The following GTF2A1L variants were observed in gnomAD, a reference collection of about 807,000 sequenced individuals.
GTF2A1L encodes the protein TFIIA-alpha and beta-like factor.
GTF2A1L carries 48 observed loss-of-function variants against 49.7 expected under a neutral mutation model. That is an observed-to-expected ratio of 0.97 (90% CI 0.77 to 1.23). GTF2A1L has a LOEUF of 1.23. Among genes scored for constraint, GTF2A1L ranks in the 50% most tolerant of loss-of-function variants. The pLI is 0.00. For synonymous variants in GTF2A1L, 246 were observed against 193.5 expected, an observed-to-expected ratio of 1.27 and a Z score of -2.25; for missense variants, 736 against 564.8, an observed-to-expected ratio of 1.30 and a Z score of -3.07.
chr2:48,649,238 C>T (rs13021383), intron 6 of GTF2A1L, among the ~76,000 whole-genome samples: 13,439 of 152,118 alleles, frequency 0.088, 645 homozygotes, highest in Non-Finnish European at 0.11. Flanking sequence ...CAAGGTTAGT[C>T]GATATCGTAG....
chr2:48,666,392 G>A (rs1265788733), intron 6 of GTF2A1L, among the ~76,000 whole-genome samples: 1 of 151,990 alleles, frequency 6.6e-6, no homozygotes, highest in East Asian at 1.9e-4. Flanking sequence ...AACATTTTTA[G>A]TAGAGATGGG....
Position 48,617,899 on chromosome 2 carries a change from A to C in GTF2A1L, c.21+4A>C, listed in dbSNP as rs1280126875. The C allele has an allele frequency of 6.4e-7, 1 of 1,551,824 alleles. No homozygotes were observed. The highest frequency in any genetic ancestry group is 2.0e-5 in the Admixed American group (1 of 51,010). On this transcript the variant is annotated splice_donor_region_variant and intron_variant, in intron 1 of 8. Transcript: ENST00000403751. Reference sequence around the variant, plus strand: ...CATGGCCTGCCTCAACCCGGTGGTAAGGAAGACCTCAGGCTCTGTGTAGAG... The same window carrying C: ...CATGGCCTGCCTCAACCCGGTGGTACGGAAGACCTCAGGCTCTGTGTAGAG...
intron 8 of GTF2A1L, among the ~76,000 whole-genome samples, chr2:48,674,910 T>TA (rs1278362138): frequency 3.3e-5 from 5 of 152,098 alleles, no homozygotes. Flanking sequence ...AGAACAGTGG[T>TA]AAAAAATTAA....
intron 5 of GTF2A1L, among the ~76,000 whole-genome samples, chr2:48,645,388 G>C (rs946644535): frequency 6.6e-6 from 1 of 152,020 alleles, no homozygotes; most frequent in African/African-American, 2.4e-5. Context: ...TCTAATTCAA[G>C]TCAGTTATCT....
rs766476322 is a variant in GTF2A1L, at chr2:48,669,936, C to G, written c.1193C>G (p.Thr398Arg). The G allele has an allele frequency of 1.9e-6, 3 of 1,613,988 alleles. No homozygotes were observed. In the East Asian group the frequency reaches 6.7e-5, roughly 36 times the overall value. ...ADSISNEDSA[T>R]NSSDNEDPQV... ...AGTATTTCAAATGAGGATTCAGCCACAAACAGTAGTGATAATGAAGACCCT... is the reference window on the plus strand; with the variant it reads ...AGTATTTCAAATGAGGATTCAGCCAGAAACAGTAGTGATAATGAAGACCCT... The change falls in exon 7 of 9, where the codon ACA (threonine) becomes AGA (arginine). Residue 398 changes from threonine (T) to arginine (R), a missense_variant. By Grantham distance (71) the Thr-to-Arg change is moderately conservative (BLOSUM62 -1). Coordinates refer to ENST00000403751, the MANE Select transcript of GTF2A1L (RefSeq NM_006872.5).
intron 6 of GTF2A1L, among the ~76,000 whole-genome samples, chr2:48,665,182 A>G (rs1187732160): frequency 1.3e-5 from 2 of 151,974 alleles, no homozygotes; most frequent in Non-Finnish European, 1.5e-5. Context: ...TTGGCCTCCT[A>G]AAGTGCTGGG....
In GTF2A1L at chr2:48,647,016, C is replaced by A; in HGVS notation, c.952C>A (p.Pro318Thr). ...AAAGCAACCAAGAAATATAGAGGAACCCAGCAACATACCTGTATCAGAGAA... is the reference window on the plus strand; with the variant it reads ...AAAGCAACCAAGAAATATAGAGGAAACCAGCAACATACCTGTATCAGAGAA... ...SVKQPRNIEEPSNIPVSEKDS... is the reference protein window; with the variant it reads ...SVKQPRNIEETSNIPVSEKDS... The change falls in exon 6 of 9, where the codon CCC becomes ACC. Residue 318 changes from proline (P) to threonine (T), a missense_variant. Physicochemically the swap from Pro to Thr is conservative, Grantham distance 38 (BLOSUM62 -1). Transcript: ENST00000403751. The A allele has an allele frequency of 6.2e-7, 1 of 1,611,990 alleles. No individual in the cohort carries two copies. The highest frequency in any genetic ancestry group is 8.5e-7 in the Non-Finnish European group (1 of 1,179,070).
intron 3 of GTF2A1L, among the ~76,000 whole-genome samples, chr2:48,641,527 C>G (rs1397443236): frequency 6.6e-6 from 1 of 152,044 alleles, no homozygotes; most frequent in African/African-American, 2.4e-5. Flanking sequence ...TATAAACATG[C>G]TAAAGTTTGT....
rs60667688 is a variant in GTF2A1L, at chr2:48,624,762, GTTT to G, written c.247+3482_247+3484del. Among the ~76,000 whole-genome samples the G allele has an allele frequency of 2.0e-4, 28 of 137,820 alleles. 2 individuals carry two copies. The highest frequency in any genetic ancestry group is 3.5e-3 in the Middle Eastern group (1 of 282). The allele number at this position is 137,820 out of a possible 152,430, so 90.4% of individuals were successfully genotyped here. Reference sequence around the variant, plus strand: ...TTTATTCTCTATGTCTGTATTTGTGGTTTTTTTTTTTTAACATATAAATGAGAT... The same window carrying G: ...TTTATTCTCTATGTCTGTATTTGTGGTTTTTTTTTAACATATAAATGAGAT... On this transcript the variant is annotated intron_variant, in intron 3 of 8. Transcript: ENST00000403751.
intron 3 of GTF2A1L, among the ~76,000 whole-genome samples, chr2:48,629,050 T>G (rs1215022643): frequency 7.0e-6 from 1 of 143,076 alleles, no homozygotes; most frequent in Non-Finnish European, 1.6e-5. Flanking sequence ...GAGACCAGCC[T>G]GACCAACATG....
chr2:48,678,323 C>T (rs1232513220), intron 8 of GTF2A1L, among the ~76,000 whole-genome samples: 1 of 151,826 alleles, frequency 6.6e-6, no homozygotes, highest in Admixed American at 6.6e-5. Context: ...TTTTAAGACA[C>T]GTGCAAGTGA....
At chr2:48,637,715 A>G (rs1212805450) in intron 3 of GTF2A1L, among the ~76,000 whole-genome samples, 1 of 152,162 alleles carries the variant, frequency 6.6e-6, no homozygotes, top group Non-Finnish European at 1.5e-5. Flanking sequence ...AATAAGATAG[A>G]TAGGCTGCTG....
At chr2:48,655,073 T>C (rs1678094969) in intron 6 of GTF2A1L, among the ~76,000 whole-genome samples, 1 of 152,248 alleles carries the variant, frequency 6.6e-6, no homozygotes, top group South Asian at 2.1e-4. Context: ...GTTGAATCTA[T>C]AGATCAGTAA....
chr2:48,618,006 A>G, intron 1 of GTF2A1L, 111 bp downstream of exon 1: 1 of 1,114,814 alleles, frequency 9.0e-7, no homozygotes, highest in Non-Finnish European at 1.3e-6. Context: ...ATTGTCATAA[A>G]CCCTCTCTCT....
intron 3 of GTF2A1L, among the ~76,000 whole-genome samples, chr2:48,623,675 G>C (rs6545054): frequency 0.56 from 85,288 of 152,030 alleles, 24,720 homozygotes; most frequent in East Asian, 0.93. Context: ...ACCCATACAT[G>C]GTGGATTGGA....
intron 3 of GTF2A1L, 25 bp downstream of exon 3, chr2:48,621,315 A>C (rs150508709): frequency 5.6e-6 from 9 of 1,613,750 alleles, no homozygotes. Context: ...GTAAATGAGT[A>C]CTGTTAGTAT....
rs3077611 is a variant in GTF2A1L at position 48,624,459 on chromosome 2, T to TATAGATAGATAGATAGATAGATAG, written c.247+3174_247+3197dup. 3.0e-4 allele frequency among the ~76,000 whole-genome samples: 41 copies of TATAGATAGATAGATAGATAGATAG among 138,770 alleles called. 1 individual carries two copies. Among genetic ancestry groups the TATAGATAGATAGATAGATAGATAG allele is most frequent in the African/African-American group, 1.0e-3 (41 of 39,702 alleles). 91.0% of individuals were successfully genotyped at this position (138,770 alleles called of 152,430 possible). ...TAAGGTGTTCACCATAGTGCTTTGA[T>TATAGATAGATAGATAGATAGATAG]ATAGATAGATAGATAGATAGATAGA... On this transcript the variant is annotated intron_variant, in intron 3 of 8. Coordinates refer to ENST00000403751, the MANE Select transcript of GTF2A1L (RefSeq NM_006872.5).
chr2:48,640,673 G>A (rs535422000), intron 3 of GTF2A1L, among the ~76,000 whole-genome samples: 81 of 152,196 alleles, frequency 5.3e-4, no homozygotes, highest in African/African-American at 1.9e-3. Flanking sequence ...ACCTTCACAT[G>A]TACCCCTGAA....
In GTF2A1L at chr2:48,622,907, G is replaced by A. The variant is rs779575289; in HGVS notation, c.247+1617G>A. Among the ~76,000 whole-genome samples the A allele has an allele frequency of 5.7e-5, 8 of 140,246 alleles. No individual in the cohort carries two copies. In the East Asian group the frequency reaches 8.3e-4, roughly 15 times the overall value. The allele number at this position is 140,246 out of a possible 152,430, so 92.0% of individuals were successfully genotyped here. A position where few individuals can be genotyped will look rare whatever the true frequency, so the allele number is the denominator to read the frequency against. On this transcript the variant is annotated intron_variant, in intron 3 of 8. Coordinates refer to ENST00000403751, the MANE Select transcript of GTF2A1L (RefSeq NM_006872.5). ...CAAAATTGCAATACTAGATTTTGCC[G>A]CAAGATGGTAATATTACCAGTGATT...
Sources: allele counts gnomAD v4.1 joint callset (sites outside exome capture counted in the v4.1 genomes callset), GRCh38; gene constraint gnomAD v4.1.1; transcripts MANE v1.5; gene names NCBI Gene and HGNC (gene_info 2026-07-23, HGNC 2026-07-21).